PCDHGA1: variants seen among roughly 807,000 people sequenced by gnomAD.
PCDHGA1 encodes the protein protocadherin gamma subfamily A, 1.
A neutral mutation model predicts 58.0 loss-of-function variants in PCDHGA1; 32 were observed. That is an observed-to-expected ratio of 0.55 (90% confidence interval 0.42 to 0.74). PCDHGA1 has a LOEUF of 0.74. Ranked by LOEUF, PCDHGA1 falls within the 30% of genes least tolerant of loss-of-function variation. The probability of loss-of-function intolerance (pLI) is 0.00; values close to 1 mark genes in which losing one functional copy is unlikely to be tolerated. For synonymous variants in PCDHGA1, 498 were observed against 501.1 expected (o/e 0.99, Z 0.08); for missense variants, 1,205 against 1,182.3 (o/e 1.02, Z -0.28).
At position 141,487,892 on chromosome 5, in the gene PCDHGA1, T is replaced by C; in HGVS notation, c.2422-6915T>C. The C allele has an allele frequency of 2.7e-6, 2 of 731,410 alleles. No individual in the cohort carries two copies. The highest frequency in any genetic ancestry group is 4.4e-6 in the Non-Finnish European group (2 of 450,094). 45.3% of individuals were successfully genotyped at this position (731,410 alleles called of 1,614,324 possible). On this transcript the variant is annotated intron_variant, in intron 1 of 3. Coordinates refer to ENST00000517417, the MANE Select transcript of PCDHGA1 (RefSeq NM_018912.3). This position sits in a 1 kb window ranked among gnomAD's most constrained non-coding sequence, Gnocchi z 5.0. ...GAGCCAGGCTGTTGTGGAAGCATGA[T>C]GATGGAATGTGGGAGCACAGGAGGC...
intron 1 of PCDHGA1, among the ~76,000 whole-genome samples, chr5:141,439,279 CT>C (rs2098102664): frequency 6.6e-6 from 1 of 151,930 alleles, no homozygotes; most frequent in African/African-American, 2.4e-5. Flanking sequence ...CATTCTGAGA[CT>C]GTGTTCCATG....
rs983998465 is a variant in PCDHGA1 at position 141,494,817 on chromosome 5, C to T, written c.2432C>T (p.Pro811Leu). ...KKEPFSQQAP[P>L]NTDWRFSQAQ... ...CTGTTTTCTCCACAGCAAGCCCCGC[C>T]CAACACGGACTGGCGTTTCTCTCAG... The change falls in exon 2 of 4, where the codon CCC becomes CTC. Residue 811 changes from proline to leucine, a missense_variant. Transcript: ENST00000517417. 1.2e-6 allele frequency: 2 copies of T among 1,614,016 alleles called. No individual in the cohort carries two copies. Among genetic ancestry groups the T allele is most frequent in the Non-Finnish European group, 1.7e-6 (2 of 1,180,026 alleles).
At position 141,332,957 on chromosome 5, in the gene PCDHGA1, C is replaced by T. The variant is rs746959823; in HGVS notation, c.2273C>T (p.Ser758Phe). The T allele has an allele frequency of 5.0e-6, 8 of 1,614,220 alleles. No homozygotes were observed. The highest frequency in any genetic ancestry group is 6.8e-6 in the Non-Finnish European group (8 of 1,180,044). The change falls in exon 1 of 4, where the codon TCC becomes TTC. Residue 758 changes from serine to phenylalanine, a missense_variant. By Grantham distance (155) the Ser-to-Phe change is radical. Coordinates refer to ENST00000517417, the MANE Select transcript of PCDHGA1 (RefSeq NM_018912.3). This position sits in a 1 kb window ranked among gnomAD's most constrained non-coding sequence, Gnocchi z 4.6. ...CTGCAGACCTATTCCCACGAGGTCT[C>T]CCTCACTGCGGACTCGCGGAAGAGC... ...AFLQTYSHEV[S>F]LTADSRKSHL... is the part of the protein sequence containing the mutation.
chr5:141,330,796 GA>G lies in PCDHGA1; in HGVS notation c.113del (p.Glu38GlyfsTer8). ...AGNIHYSVPE[E>X]TDKGSFVGNI... Reference sequence around the variant, plus strand: ...GAATATTCACTACTCAGTGCCGGAAGAGACAGACAAAGGTTCCTTCGTAGGC... The same window carrying G: ...GAATATTCACTACTCAGTGCCGGAAGGACAGACAAAGGTTCCTTCGTAGGC... On this transcript the variant is annotated frameshift_variant, in exon 1 of 4. Transcript: ENST00000517417. LOFTEE classifies it high-confidence loss of function. The G allele has an allele frequency of 1.9e-6, 3 of 1,614,222 alleles. No homozygotes were observed. The South Asian group carries it at 3.3e-5, about 18-fold the overall frequency.
chr5:141,365,818 T>A (rs1440466121), intron 1 of PCDHGA1: 1 of 1,613,894 alleles, frequency 6.2e-7, no homozygotes. Context: ...AAGACACATT[T>A]CAGGGGGCGC....
In PCDHGA1 at chr5:141,431,955, GA is replaced by G; in HGVS notation, c.2422-62849del. ...CCCTTTAAATTAGAAAAATCTTACG[GA>G]AATTACTATAGTTTAGTCACAGACA... On this transcript the variant is annotated intron_variant, in intron 1 of 3. Coordinates refer to ENST00000517417, the MANE Select transcript of PCDHGA1 (RefSeq NM_018912.3). The surrounding 1 kb of genome is among the most constrained non-coding windows in gnomAD (Gnocchi z 4.8). The G allele has an allele frequency of 6.2e-7, 1 of 1,614,142 alleles. No homozygotes were observed. Among genetic ancestry groups the G allele is most frequent in the Non-Finnish European group, 8.5e-7 (1 of 1,180,024 alleles).
At chr5:141,388,064 G>A in intron 1 of PCDHGA1, 1 of 1,376,092 alleles carries the variant, frequency 7.3e-7, no homozygotes, top group South Asian at 1.3e-5. Context: ...GCGTCCAGGA[G>A]TTACCGACTC....
chr5:141,423,874 A>G (rs1264795133), intron 1 of PCDHGA1: 2 of 1,283,268 alleles, frequency 1.6e-6, no homozygotes, highest in East Asian at 3.1e-5. Context: ...GTCATTTTTC[A>G]ATCTTGGCAT....
chr5:141,372,404 G>C (rs761162819), intron 1 of PCDHGA1: 4 of 1,613,930 alleles, frequency 2.5e-6, no homozygotes, highest in Admixed American at 3.3e-5. Flanking sequence ...GCTTGCAAGA[G>C]ATACAACCTG....
At chr5:141,376,313 G>A in intron 1 of PCDHGA1, 1 of 1,614,230 alleles carries the variant, frequency 6.2e-7, no homozygotes, top group Non-Finnish European at 8.5e-7. Flanking sequence ...TGTGGGCGTG[G>A]AAGGGGTTCG....
At chr5:141,357,413 C>T (rs374712311) in intron 1 of PCDHGA1, 2 of 1,614,250 alleles carry the variant, frequency 1.2e-6, no homozygotes, top group East Asian at 2.2e-5. Context: ...GTGCCTGCCT[C>T]GCACTTTGTG....
Position 141,489,263 on chromosome 5 carries a change from A to G in PCDHGA1, c.2422-5544A>G. The G allele has an allele frequency of 6.4e-7, 1 of 1,552,104 alleles. No homozygotes were observed. Among genetic ancestry groups the G allele is most frequent in the South Asian group, 1.3e-5 (1 of 79,626 alleles). On this transcript the variant is annotated intron_variant, in intron 1 of 3. Transcript: ENST00000517417. This position sits in a 1 kb window ranked among gnomAD's most constrained non-coding sequence, Gnocchi z 4.5. ...GTCATGGGGCCCAAGACACTCCCAC[A>G]GCTCGCTGGGAAATGGCAAGTGCTG...
chr5:141,389,094 A>G (rs2091600869), intron 1 of PCDHGA1: 4 of 1,613,928 alleles, frequency 2.5e-6, no homozygotes, highest in Admixed American at 1.7e-5. Flanking sequence ...TAAATTAGTG[A>G]CAGATGCTGT....
intron 1 of PCDHGA1, chr5:141,390,929 T>C (rs1296144036): frequency 1.3e-5 from 2 of 152,314 alleles, no homozygotes; most frequent in African/African-American, 4.8e-5. Context: ...ACTATGCTCA[T>C]TAGAAGATCA....
chr5:141,477,287 G>T lies in PCDHGA1; in HGVS notation c.2422-17520G>T. ...CGAGAACGGGCTGGTGACCTGCGAA[G>T]TTCCACCGGGTCTCCCTTTCAGCCT... On this transcript the variant is annotated intron_variant, in intron 1 of 3. Coordinates refer to ENST00000517417, the MANE Select transcript of PCDHGA1 (RefSeq NM_018912.3). The surrounding 1 kb of genome is among the most constrained non-coding windows in gnomAD (Gnocchi z 4.9). The T allele has an allele frequency of 6.2e-7, 1 of 1,614,190 alleles. No homozygotes were observed.
intron 1 of PCDHGA1, chr5:141,351,845 C>T (rs1268718190): frequency 6.2e-7 from 1 of 1,613,250 alleles, no homozygotes; most frequent in Admixed American, 1.7e-5. Context: ...GCTCACACTG[C>T]AGGCCAGGGA....
intron 1 of PCDHGA1, chr5:141,383,482 G>T (rs908975143): frequency 6.2e-7 from 1 of 1,613,500 alleles, no homozygotes; most frequent in Non-Finnish European, 8.5e-7. Context: ...CCCGGAACTG[G>T]TGCTGGAGCG....
rs1353509218 is a variant in PCDHGA1, at chr5:141,512,908, TTTATACTC to T, written c.*1737_*1744del. ...CCCTCTTCCTGTGTCTCACGCAAGTTTTATACTCTAATATTTATATGGCTTTTTTTCTT... is the reference window on the plus strand; with the variant it reads ...CCCTCTTCCTGTGTCTCACGCAAGTTTAATATTTATATGGCTTTTTTTCTT... On this transcript the variant is annotated 3_prime_UTR_variant, in exon 4 of 4. Transcript: ENST00000517417. 6.6e-6 allele frequency: 1 copy of T among 152,268 alleles called. No individual in the cohort carries two copies. Among genetic ancestry groups the T allele is most frequent in the Non-Finnish European group, 1.5e-5 (1 of 68,054 alleles). 9.4% of individuals were successfully genotyped at this position (152,268 alleles called of 1,614,324 possible).
rs769551114 is a variant in PCDHGA1, at chr5:141,402,989, T to A, written c.2421+69884T>A. On this transcript the variant is annotated intron_variant, in intron 1 of 3. Coordinates refer to ENST00000517417, the MANE Select transcript of PCDHGA1 (RefSeq NM_018912.3). ...AACCAAATGCCAGCTCCGCGGAAGA[T>A]TAGTCCTGCTATGCTCGCTCCTGGG... The A allele has an allele frequency of 2.5e-6, 4 of 1,611,874 alleles. No homozygotes were observed. Among genetic ancestry groups the A allele is most frequent in the Non-Finnish European group, 3.4e-6 (4 of 1,179,236 alleles).
Sources: allele counts gnomAD v4.1 joint callset (sites outside exome capture counted in the v4.1 genomes callset), GRCh38; gene constraint gnomAD v4.1.1; non-coding constraint Gnocchi (gnomAD v3.1); transcripts MANE v1.5; gene names NCBI Gene and HGNC (gene_info 2026-07-23, HGNC 2026-07-21).